Variants in ZNF124 observed in about 807,000 individuals in gnomAD.
ZNF124 encodes the protein zinc finger protein HZF-16.
Under a neutral mutation model 26.6 loss-of-function variants are expected in ZNF124, and 25 were observed. The ratio of observed to expected loss-of-function variants is 0.94; its 90% CI spans 0.68 to 1.31. The LOEUF is 1.31. Among genes scored for constraint, ZNF124 ranks in the 40% most tolerant of loss-of-function variants. The pLI is 0.00. For synonymous variants in ZNF124, 129 were observed against 133.3 expected (o/e 0.97, Z 0.22); for missense variants, 444 against 422.2 (o/e 1.05, Z -0.45).
At chr1:247,140,023 G>A (rs972465383) in intron 3 of ZNF124, among the ~76,000 whole-genome samples, 1 of 152,160 alleles carries the variant, frequency 6.6e-6, no homozygotes, top group Admixed American at 6.6e-5. Context: ...TTCCCTGAAT[G>A]TGACTGCTGG....
In ZNF124 at chr1:247,158,182, G is replaced by A. The variant is rs148237098; in HGVS notation, c.219-779C>T. Among the ~76,000 whole-genome samples, 1,400 of 152,194 alleles carry A rather than the reference G, an allele frequency of 9.2e-3. 29 individuals are homozygous for A. Among genetic ancestry groups the A allele is most frequent in the African/African-American group, 0.032 (1,331 of 41,522 alleles). On this transcript the variant is annotated intron_variant, in intron 3 of 3. Coordinates refer to ENST00000543802, the MANE Select transcript of ZNF124 (RefSeq NM_001297568.2). ...GGAGAATCACTTGAACCCGGGAGGCGGAGGTTGCAGTGAGCCAAGACTGCA... is the reference window on the plus strand; with the variant it reads ...GGAGAATCACTTGAACCCGGGAGGCAGAGGTTGCAGTGAGCCAAGACTGCA...
chr1:247,149,273 T>TA (rs1184856934), intron 3 of ZNF124, among the ~76,000 whole-genome samples: 2 of 152,228 alleles, frequency 1.3e-5, no homozygotes, highest in East Asian at 3.8e-4. Context: ...ACAGCCATTA[T>TA]AAAAAACCGT....
chr1:247,153,234 C>T (rs1464060938), downstream of ZNF124, among the ~76,000 whole-genome samples: 4 of 151,930 alleles, frequency 2.6e-5, no homozygotes, highest in African/African-American at 9.7e-5. Flanking sequence ...AAAAGGTTTC[C>T]AACATGTAAA....
chr1:247,138,825 CAAAT>C (rs1389910424), intron 3 of ZNF124: 2 of 398,230 alleles, frequency 5.0e-6, no homozygotes, highest in African/African-American at 2.1e-5. Flanking sequence ...TTGACAGTAA[CAAAT>C]AACTGGAAAT....
At position 247,128,220 on chromosome 1, in the gene ZNF124, CAG is replaced by C. The variant is rs1309688101; in HGVS notation, c.219-4351_219-4350del. On this transcript the variant is annotated intron_variant, in intron 3 of 3. Coordinates refer to the ZNF124 transcript ENST00000472531. ...TGTTTCTGAACATTCCTTGTGAAAACAGAGAATAATCACCTGATCTAGTCCAC... is the reference window on the plus strand; with the variant it reads ...TGTTTCTGAACATTCCTTGTGAAAACAGAATAATCACCTGATCTAGTCCAC... Among the ~76,000 whole-genome samples the C allele has an allele frequency of 9.2e-5, 14 of 152,012 alleles. No individual in the cohort carries two copies. The East Asian group carries it at 1.6e-3, about 17-fold the overall frequency.
chr1:247,156,682 C>A lies in ZNF124; in HGVS notation c.940G>T (p.Gly314Ter). ...TTCTGACATTCATAGGGTTTCTCTC[C>A]AGTATGAGTCCTTTCATGGTCACGA... ...SLRDHERTHT[G>*]EKPYECQKCG... is the part of the protein sequence containing the mutation. Residue 314 changes from glycine (G) to a stop codon, truncating the protein, a stop_gained, in exon 4 of 4, where the codon GGA becomes TGA. Coordinates refer to ENST00000543802, the MANE Select transcript of ZNF124 (RefSeq NM_001297568.2). LOFTEE classifies it high-confidence loss of function. The A allele has an allele frequency of 6.2e-7, 1 of 1,613,640 alleles. No individual in the cohort carries two copies. Among genetic ancestry groups the A allele is most frequent in the Non-Finnish European group, 8.5e-7 (1 of 1,179,872 alleles).
rs776763384 is a variant in ZNF124 at position 247,156,977 on chromosome 1, GA to G, written c.644del (p.Phe215SerfsTer39). On this transcript the variant is annotated frameshift_variant, in exon 4 of 4. Transcript: ENST00000543802. LOFTEE classifies it high-confidence loss of function. ...PYECKHCGKA[F>X]RYSNCLHYHE... Reference sequence around the variant, plus strand: ...GGTAATGAAGGCAATTGGAGTAACGGAAGGCTTTCCCACAGTGCTTACATTC... The same window carrying G: ...GGTAATGAAGGCAATTGGAGTAACGGAGGCTTTCCCACAGTGCTTACATTC... 18 of 1,611,488 alleles carry G rather than the reference GA, an allele frequency of 1.1e-5. No homozygotes were observed. The highest frequency in any genetic ancestry group is 1.5e-5 in the Non-Finnish European group (18 of 1,179,014).
chr1:247,152,731 ATG>A (rs1200129227), downstream of ZNF124, among the ~76,000 whole-genome samples: 2 of 152,340 alleles, frequency 1.3e-5, no homozygotes, highest in East Asian at 1.9e-4. Context: ...GTATTTATGT[ATG>A]TGAGTATATA....
chr1:247,169,443 G>C (rs556297190), intron 1 of ZNF124, among the ~76,000 whole-genome samples: 2 of 152,278 alleles, frequency 1.3e-5, no homozygotes, highest in South Asian at 2.1e-4. Context: ...CTTCACAAGT[G>C]TGAAAGAATC....
At chr1:247,154,419 T>C (rs995990577), downstream of ZNF124, among the ~76,000 whole-genome samples, 1 of 152,194 alleles carries the variant, frequency 6.6e-6, no homozygotes, top group Non-Finnish European at 1.5e-5. Flanking sequence ...CTCCCTACCA[T>C]GCTGAACTGG....
chr1:247,131,634 C>G lies in ZNF124; in HGVS notation c.219-7763G>C, dbSNP rs568611259. 7.2e-5 allele frequency among the ~76,000 whole-genome samples: 11 copies of G among 152,312 alleles called. No individual in the cohort carries two copies. The South Asian group carries it at 2.1e-3, about 29-fold the overall frequency. On this transcript the variant is annotated intron_variant, in intron 3 of 3. Transcript: ENST00000472531. ...GAGGCTGTACAGCTAGGTCCCAAGA[C>G]CTGTCCCTACAGCCCAATACACCGG...
At chr1:247,157,797 C>G (rs1476079069) in intron 3 of ZNF124, among the ~76,000 whole-genome samples, 1 of 152,108 alleles carries the variant, frequency 6.6e-6, no homozygotes, top group African/African-American at 2.4e-5. Context: ...TGGGTATTTT[C>G]TCCCTTCAAA....
rs1049932489 is a variant in ZNF124 at position 247,156,162 on chromosome 1, C to G, written c.*404G>C. On this transcript the variant is annotated 3_prime_UTR_variant, in exon 4 of 4. Coordinates refer to ENST00000543802, the MANE Select transcript of ZNF124 (RefSeq NM_001297568.2). Reference sequence around the variant, plus strand: ...CTAGGATTTCAATCTGGTGGGCATTCTTTTATTTATAAGGTCAATCTGGAG... The same window carrying G: ...CTAGGATTTCAATCTGGTGGGCATTGTTTTATTTATAAGGTCAATCTGGAG... The G allele has an allele frequency of 2.0e-6, 2 of 990,754 alleles. No homozygotes were observed. The highest frequency in any genetic ancestry group is 6.1e-5 in the Admixed American group (1 of 16,408). The allele number at this position is 990,754 out of a possible 1,614,324, so 61.4% of individuals were successfully genotyped here. A position where few individuals can be genotyped will look rare whatever the true frequency, so the allele number is the denominator to read the frequency against.
At chr1:247,124,218 T>C (rs1572051971) in intron 3 of ZNF124, among the ~76,000 whole-genome samples, 1 of 152,012 alleles carries the variant, frequency 6.6e-6, no homozygotes. Flanking sequence ...CTTTTTTTTT[T>C]TTTGAGACAG....
chr1:247,149,609 A>G (rs1185433836), intron 3 of ZNF124, among the ~76,000 whole-genome samples: 1 of 152,252 alleles, frequency 6.6e-6, no homozygotes, highest in Non-Finnish European at 1.5e-5. Context: ...ATATGATCTT[A>G]CTTATAGATG....
chr1:247,143,935 G>C (rs961573997), intron 3 of ZNF124, among the ~76,000 whole-genome samples: 1 of 150,084 alleles, frequency 6.7e-6, no homozygotes, highest in Admixed American at 6.6e-5. Context: ...CAGTAAGCAT[G>C]CATGCTCAAT....
intron 1 of ZNF124, among the ~76,000 whole-genome samples, chr1:247,162,582 T>C (rs1005946788): frequency 1.4e-5 from 2 of 143,892 alleles, no homozygotes; most frequent in Non-Finnish European, 3.0e-5. Context: ...TATGACTGTA[T>C]ATCTTTACTT....
Position 247,135,088 on chromosome 1 carries a change from A to C in ZNF124, c.219-11217T>G, listed in dbSNP as rs139984812. 2.2e-4 allele frequency among the ~76,000 whole-genome samples: 34 copies of C among 152,352 alleles called. 1 individual carries two copies. The East Asian group carries it at 6.4e-3, about 28-fold the overall frequency. On this transcript the variant is annotated intron_variant, in intron 3 of 3. Coordinates refer to the ZNF124 transcript ENST00000472531. ...CAATGTACCAGAATCTCTGGGACAC[A>C]GCTAAAACAATGTTAAGAGGAAAAA... is the stretch of plus-strand genomic sequence containing the variant.
chr1:247,136,139 A>T (rs1672478618), intron 3 of ZNF124, among the ~76,000 whole-genome samples: 1 of 152,258 alleles, frequency 6.6e-6, no homozygotes, highest in African/African-American at 2.4e-5. Context: ...GACCTCTCTC[A>T]CCACTCCTAA....
Sources: gnomAD v4.1 joint callset for allele counts (sites outside exome capture counted in the v4.1 genomes callset) on GRCh38, gnomAD v4.1.1 for gene constraint, MANE v1.5 for transcripts, NCBI Gene and HGNC (gene_info 2026-07-23, HGNC 2026-07-21) for gene names.